The following C16orf89 variants were observed in gnomAD, a reference collection of about 807,000 sequenced individuals.
The protein encoded by C16orf89 is UPF0764 protein C16orf89.
Under a neutral mutation model 41.5 loss-of-function variants are expected in C16orf89, and 57 were observed. The observed-to-expected ratio is 1.38, with a 90% confidence interval of 1.11 to 1.71. C16orf89 has a LOEUF of 1.71. Ranked by LOEUF, C16orf89 falls within the 40% of genes most tolerant of loss-of-function variation. The pLI is 0.00. For synonymous variants in C16orf89, 223 were observed against 190.6 expected, an observed-to-expected ratio of 1.17 and a Z score of -1.40; for missense variants, 575 against 445.9, an observed-to-expected ratio of 1.29 and a Z score of -2.61.
intron 6 of C16orf89, among the ~76,000 whole-genome samples, chr16:5,053,503 T>G (rs1299263059): frequency 2.0e-5 from 3 of 151,130 alleles, no homozygotes; most frequent in Non-Finnish European, 1.5e-5. Context: ...TACCGTTCCA[T>G]AGCACTATAG....
intron 7 of C16orf89, among the ~76,000 whole-genome samples, chr16:5,047,177 C>T (rs958566656): frequency 6.6e-6 from 1 of 152,144 alleles, no homozygotes; most frequent in Non-Finnish European, 1.5e-5. Flanking sequence ...CCCCTGCAGG[C>T]CCTATTAACA....
chr16:5,065,328 C>T (rs1186952357), intron 1 of C16orf89, among the ~76,000 whole-genome samples: 3 of 152,128 alleles, frequency 2.0e-5, no homozygotes, highest in Non-Finnish European at 2.9e-5. Context: ...TCAGTTTTGT[C>T]CACAGCCACC....
chr16:5,044,951 C>T (rs1183975446), intron 7 of C16orf89: 18 of 1,205,324 alleles, frequency 1.5e-5, no homozygotes, highest in Middle Eastern at 3.6e-4. Flanking sequence ...GGTGCTCTTC[C>T]GCCAGCTGCT....
intron 4 of C16orf89, among the ~76,000 whole-genome samples, chr16:5,057,044 C>T (rs1956522641): frequency 6.6e-6 from 1 of 151,824 alleles, no homozygotes; most frequent in Non-Finnish European, 1.5e-5. Context: ...TCAAGACCAG[C>T]CTGGCCAACA....
chr16:5,048,444 C>G (rs1956341673), intron 6 of C16orf89, among the ~76,000 whole-genome samples: 1 of 152,210 alleles, frequency 6.6e-6, no homozygotes, highest in African/African-American at 2.4e-5. Flanking sequence ...TCCTCCTGCA[C>G]CTGTCTGCAG....
intron 6 of C16orf89, among the ~76,000 whole-genome samples, chr16:5,051,312 C>T (rs1344336782): frequency 6.6e-6 from 1 of 152,124 alleles, no homozygotes; most frequent in East Asian, 1.9e-4. Flanking sequence ...CCTAAAAGCT[C>T]CACCAAAAAA....
intron 1 of C16orf89, among the ~76,000 whole-genome samples, chr16:5,065,348 G>C (rs928894905): frequency 3.9e-5 from 6 of 152,156 alleles, no homozygotes; most frequent in African/African-American, 1.4e-4. Context: ...CTCATTCAAG[G>C]GGAGGGGTCT....
At chr16:5,049,967 GAA>G (rs1257813754) in intron 6 of C16orf89, among the ~76,000 whole-genome samples, 1 of 152,032 alleles carries the variant, frequency 6.6e-6, no homozygotes, top group Non-Finnish European at 1.5e-5. Context: ...GAAAAAAAGA[GAA>G]AAGACTCAAG....
intron 6 of C16orf89, 61 bp downstream of exon 6, chr16:5,055,185 A>G: frequency 7.1e-7 from 1 of 1,407,580 alleles, no homozygotes; most frequent in Non-Finnish European, 9.8e-7. Flanking sequence ...TGGCCTAGAA[A>G]CTCAGAGCCA....
At chr16:5,060,130 G>A in intron 3 of C16orf89, 156 bp downstream of exon 3, 1 of 884,814 alleles carries the variant, frequency 1.1e-6, no homozygotes, top group Non-Finnish European at 1.6e-6. Flanking sequence ...TGCTGGAGTA[G>A]GAGAGGGCAG....
At position 5,056,637 on chromosome 16, in the gene C16orf89, G is replaced by A. The variant is rs113456156; in HGVS notation, c.628-449C>T. 2.0e-5 allele frequency among the ~76,000 whole-genome samples: 3 copies of A among 152,208 alleles called. No individual in the cohort carries two copies. In the South Asian group the frequency reaches 6.2e-4, roughly 32 times the overall value. On this transcript the variant is annotated intron_variant, in intron 4 of 7. Transcript: ENST00000472572. ...AGCTTCAGTGCTACTCAAAGTGTGGGCCAAGAACCGGGCTGGTGACTCCCC... is the reference window on the plus strand; with the variant it reads ...AGCTTCAGTGCTACTCAAAGTGTGGACCAAGAACCGGGCTGGTGACTCCCC...
intron 2 of C16orf89, among the ~76,000 whole-genome samples, chr16:5,062,173 T>A (rs904405756): frequency 4.6e-5 from 7 of 152,154 alleles, no homozygotes; most frequent in African/African-American, 1.4e-4. Context: ...GTGCGTGCGC[T>A]GAATGCTTGA....
At chr16:5,051,557 AC>A (rs1956397515) in intron 6 of C16orf89, among the ~76,000 whole-genome samples, 1 of 152,224 alleles carries the variant, frequency 6.6e-6, no homozygotes, top group Non-Finnish European at 1.5e-5. Context: ...AAGAGAACAC[AC>A]AAAAAATGAA....
intron 6 of C16orf89, among the ~76,000 whole-genome samples, chr16:5,051,339 A>T (rs895914575): frequency 7.2e-5 from 11 of 152,218 alleles, no homozygotes; most frequent in African/African-American, 2.7e-4. Context: ...AGAACTGATA[A>T]ATGAATTCAA....
chr16:5,053,635 C>A (rs1461550607), intron 6 of C16orf89, among the ~76,000 whole-genome samples: 1 of 151,626 alleles, frequency 6.6e-6, no homozygotes, highest in African/African-American at 2.4e-5. Context: ...CGGCCTCCTG[C>A]TGGGCTCAAG....
chr16:5,045,425 A>G (rs1956277632), intron 7 of C16orf89, among the ~76,000 whole-genome samples: 1 of 152,078 alleles, frequency 6.6e-6, no homozygotes, highest in African/African-American at 2.4e-5. Context: ...TAGTTCTTTG[A>G]GCTCAAAGTG....
chr16:5,065,243 C>T (rs562403467), intron 1 of C16orf89, among the ~76,000 whole-genome samples: 1 of 152,282 alleles, frequency 6.6e-6, no homozygotes, highest in Non-Finnish European at 1.5e-5. Flanking sequence ...AAACACTTGA[C>T]TGTTTTTGCA....
chr16:5,055,773 C>G, intron 5 of C16orf89: 1 of 1,510,614 alleles, frequency 6.6e-7, no homozygotes, highest in Non-Finnish European at 8.9e-7. Context: ...TACAGGATGC[C>G]CAGTTACATT....
chr16:5,055,401 C>A, intron 5 of C16orf89, 51 bp from the exon 6 acceptor site: 1 of 1,460,864 alleles, frequency 6.8e-7, no homozygotes, highest in South Asian at 1.2e-5. Flanking sequence ...AGGCCCACCT[C>A]CTCCCACTCC....
Sources: gnomAD v4.1 joint callset for allele counts (sites outside exome capture counted in the v4.1 genomes callset) on GRCh38, gnomAD v4.1.1 for gene constraint, MANE v1.5 for transcripts, NCBI Gene and HGNC (gene_info 2026-07-23, HGNC 2026-07-21) for gene names.